Variants in KIF26A observed in about 807,000 individuals in gnomAD.
KIF26A encodes the protein kinesin-like protein KIF26A.
KIF26A carries 74 observed loss-of-function variants against 126.0 expected under a neutral mutation model. That is an observed-to-expected ratio of 0.59 (90% CI 0.49 to 0.71). The LOEUF (loss-of-function observed/expected upper bound fraction) is 0.71, where lower values mean the gene tolerates loss of function less well. Among genes scored for constraint, KIF26A ranks in the 30% least tolerant of loss-of-function variants. KIF26A has a pLI of 0.00. For missense variants in KIF26A, 2,984 were observed against 2,763.3 expected (o/e 1.08, Z -1.79); for synonymous variants, 1,445 against 1,232.7 (o/e 1.17, Z -3.61).
At chr14:104,166,186 C>A (rs28569107) in intron 4 of KIF26A, among the ~76,000 whole-genome samples, 2,358 of 145,632 alleles carry the variant, frequency 0.016, 58 homozygotes, top group African/African-American at 0.063. Flanking sequence ...TGGCAGGGGC[C>A]CAGGAGCTGG....
rs1235729173 is a variant in KIF26A, at chr14:104,178,181, G to A, written c.5110+283G>A. ...GGTCTGTGTCTGGGTGAGCACAAGG[G>A]CAGCCCTGCACAGGTCGCCAGGCTG... On this transcript the variant is annotated intron_variant, in intron 12 of 14. Transcript: ENST00000423312. Among the ~76,000 whole-genome samples the A allele has an allele frequency of 2.0e-5, 3 of 152,208 alleles. No individual in the cohort carries two copies. The East Asian group carries it at 5.8e-4, about 29-fold the overall frequency.
At chr14:104,164,463 C>T (rs1180773745) in intron 4 of KIF26A, among the ~76,000 whole-genome samples, 2 of 151,040 alleles carry the variant, frequency 1.3e-5, no homozygotes, top group Admixed American at 6.6e-5. Context: ...GTCCATGATC[C>T]GGGGTAGGGG....
rs1479949917 is a variant in KIF26A, at chr14:104,162,534, C to T, written c.924-4325C>T. On this transcript the variant is annotated intron_variant, in intron 4 of 14. Transcript: ENST00000423312. ...GCTCCAGCCTCAATCTCCCTCTGGC[C>T]TCTCCAAGTGCTGCTCCAGTCTCCA... 3.3e-5 allele frequency among the ~76,000 whole-genome samples: 5 copies of T among 152,226 alleles called. No homozygotes were observed. In the East Asian group the frequency reaches 5.8e-4, roughly 18 times the overall value.
chr14:104,180,509 G>T lies in KIF26A; in HGVS notation c.*719G>T, dbSNP rs967778307. Reference sequence around the variant, plus strand: ...CACCACGACCAACAACAAAGATGGGGGGTAGGGTTTTGTAAAGGTTCTGTT... The same window carrying T: ...CACCACGACCAACAACAAAGATGGGTGGTAGGGTTTTGTAAAGGTTCTGTT... On this transcript the variant is annotated 3_prime_UTR_variant, in exon 15 of 15. Coordinates refer to ENST00000423312, the MANE Select transcript of KIF26A (RefSeq NM_015656.2). The T allele has an allele frequency of 6.6e-6, 1 of 152,278 alleles. No individual in the cohort carries two copies. Among genetic ancestry groups the T allele is most frequent in the Non-Finnish European group, 1.5e-5 (1 of 68,092 alleles). 9.4% of individuals were successfully genotyped at this position (152,278 alleles called of 1,614,324 possible).
intron 2 of KIF26A, 113 bp downstream of exon 2, chr14:104,139,401 CAAAG>C: frequency 1.6e-6 from 2 of 1,264,520 alleles, no homozygotes; most frequent in Non-Finnish European, 2.1e-6. Flanking sequence ...GCTGTTTCCA[CAAAG>C]AGTTATCAGC....
chr14:104,152,219 A>T lies in KIF26A; in HGVS notation c.493A>T (p.Ser165Cys). Residue 165 changes from serine to cysteine, a missense_variant, in exon 3 of 15, where the codon AGC becomes TGC. Coordinates refer to ENST00000423312, the MANE Select transcript of KIF26A (RefSeq NM_015656.2). This position sits in a 1 kb window ranked among gnomAD's most constrained non-coding sequence, Gnocchi z 5.9. Reference protein sequence around the residue: ...PHGGPSLAPPSTTTSSRDTPG... With the variant: ...PHGGPSLAPPCTTTSSRDTPG... Reference sequence around the variant, plus strand: ...TGGAGGCCCCAGCCTCGCACCCCCCAGCACCACGACCAGCTCGAGGGACAC... The same window carrying T: ...TGGAGGCCCCAGCCTCGCACCCCCCTGCACCACGACCAGCTCGAGGGACAC... 6.2e-7 allele frequency: 1 copy of T among 1,601,758 alleles called. No homozygotes were observed. Among genetic ancestry groups the T allele is most frequent in the Non-Finnish European group, 8.5e-7 (1 of 1,175,908 alleles).
In KIF26A at chr14:104,151,687, TC is replaced by T. The variant is rs1323556888; in HGVS notation, c.289-324del. ...CTGCTTCTTGCCAGTCTCCTGCGTG[TC>T]CCCGGCCAGGCGGCCTTAGCTGACA... On this transcript the variant is annotated intron_variant, in intron 2 of 14. Transcript: ENST00000423312. This position sits in a 1 kb window ranked among gnomAD's most constrained non-coding sequence, Gnocchi z 4.9. Among the ~76,000 whole-genome samples the T allele has an allele frequency of 6.6e-6, 1 of 152,130 alleles. No individual in the cohort carries two copies. Among genetic ancestry groups the T allele is most frequent in the African/African-American group, 2.4e-5 (1 of 41,430 alleles).
Position 104,176,425 on chromosome 14 carries a change from A to C in KIF26A, c.3637A>C (p.Lys1213Gln), listed in dbSNP as rs2038028585. ...AQTIHSSLPR[K>Q]PRTASATTRV... is the part of the protein sequence containing the mutation. The stretch of plus-strand genomic sequence containing the variant: ...GACCATCCACTCCAGCCTCCCCCGG[A>C]AACCGAGGACTGCCTCTGCCACCAC... The change falls in exon 12 of 15, where the codon AAA becomes CAA. Residue 1213 changes from lysine to glutamine, a missense_variant. Transcript: ENST00000423312. 6.3e-7 allele frequency: 1 copy of C among 1,595,380 alleles called. No individual in the cohort carries two copies. Among genetic ancestry groups the C allele is most frequent in the Non-Finnish European group, 8.6e-7 (1 of 1,168,208 alleles).
rs1489167771 is a variant in KIF26A at position 104,165,438 on chromosome 14, T to TGTATG, written c.924-1421_924-1420insGTATG. The stretch of plus-strand genomic sequence containing the variant: ...GTCTCTGTATGCGTGTGTGTCTGTC[T>TGTATG]CTGTGTGTGTTTCTGTATGCGTGTG... On this transcript the variant is annotated intron_variant, in intron 4 of 14. Coordinates refer to ENST00000423312, the MANE Select transcript of KIF26A (RefSeq NM_015656.2). Among the ~76,000 whole-genome samples, 15 of 144,038 alleles carry TGTATG rather than the reference T, an allele frequency of 1.0e-4. 2 individuals are homozygous for TGTATG. The highest frequency in any genetic ancestry group is 3.7e-4 in the African/African-American group (15 of 40,198). 94.5% of individuals were successfully genotyped at this position (144,038 alleles called of 152,430 possible).
At chr14:104,178,981 T>TG (rs1415349984) in intron 13 of KIF26A, among the ~76,000 whole-genome samples, 11 of 152,092 alleles carry the variant, frequency 7.2e-5, no homozygotes, top group African/African-American at 1.4e-4. Flanking sequence ...GGTGGGTGGC[T>TG]GGGGGGTCCT....
chr14:104,166,896 A>C lies in KIF26A; in HGVS notation c.961A>C (p.Lys321Gln). 3 of 1,587,020 alleles carry C rather than the reference A, an allele frequency of 1.9e-6. No homozygotes were observed. Among genetic ancestry groups the C allele is most frequent in the Non-Finnish European group, 2.6e-6 (3 of 1,167,890 alleles). Reference protein sequence around the residue: ...QKLSLASKRKKPHPPPPPATR... With the variant: ...QKLSLASKRKQPHPPPPPATR... ...GCTCAGCCTGGCCTCCAAGAGGAAG[A>C]AGCCCCACCCGCCACCGCCTCCAGC... The change falls in exon 5 of 15, where the codon AAG (lysine) becomes CAG (glutamine). Residue 321 changes from lysine to glutamine, a missense_variant. Transcript: ENST00000423312.
chr14:104,139,534 C>G (rs942816434), intron 2 of KIF26A, among the ~76,000 whole-genome samples: 1 of 152,180 alleles, frequency 6.6e-6, no homozygotes, highest in African/African-American at 2.4e-5. Context: ...GGCGTTCCTC[C>G]CCCAGCCCAG....
chr14:104,174,918 G>T (rs1471041829), intron 11 of KIF26A, 64 bp from the exon 12 acceptor site: 1 of 1,443,276 alleles, frequency 6.9e-7, no homozygotes, highest in East Asian at 2.5e-5. Flanking sequence ...GCTCTGGGGA[G>T]GGTCGGGGAA....
In KIF26A at chr14:104,151,116, C is replaced by G. The variant is rs1285484401; in HGVS notation, c.289-899C>G. Reference sequence around the variant, plus strand: ...AGTAAGCCTCTTGGTCGATTCCCTCCCAGTGAGCTTTGCTCTGTGGCTTGT... The same window carrying G: ...AGTAAGCCTCTTGGTCGATTCCCTCGCAGTGAGCTTTGCTCTGTGGCTTGT... On this transcript the variant is annotated intron_variant, in intron 2 of 14. Transcript: ENST00000423312. The surrounding 1 kb of genome is among the most constrained non-coding windows in gnomAD (Gnocchi z 4.9). 6.6e-6 allele frequency among the ~76,000 whole-genome samples: 1 copy of G among 152,164 alleles called. No individual in the cohort carries two copies. Among genetic ancestry groups the G allele is most frequent in the African/African-American group, 2.4e-5 (1 of 41,434 alleles).
In KIF26A at chr14:104,167,038, G is replaced by A. The variant is rs1199757241; in HGVS notation, c.1103G>A (p.Ser368Asn). ...TCCAAGACCAAGGACAACCCTGGCA[G>A]CATCGGGAAGGTAGACGCAGCCCCG... ...AASKTKDNPGSIGKVKVMLRI... is the reference protein window; with the variant it reads ...AASKTKDNPGNIGKVKVMLRI... The change falls in exon 5 of 15, where the codon AGC (serine) becomes AAC (asparagine). Residue 368 changes from serine to asparagine, a missense_variant. Ser to Asn is a conservative substitution (Grantham distance 46, BLOSUM62 1). Transcript: ENST00000423312. The A allele has an allele frequency of 6.4e-7, 1 of 1,559,286 alleles. No individual in the cohort carries two copies. Among genetic ancestry groups the A allele is most frequent in the Non-Finnish European group, 8.7e-7 (1 of 1,152,418 alleles).
chr14:104,180,141 G>A lies in KIF26A; in HGVS notation c.*351G>A, dbSNP rs534317104. 666 of 226,474 alleles carry A rather than the reference G, an allele frequency of 2.9e-3. 2 individuals are homozygous for A. The highest frequency in any genetic ancestry group is 3.9e-3 in the Non-Finnish European group (458 of 116,472). The allele number at this position is 226,474 out of a possible 1,614,324, so 14.0% of individuals were successfully genotyped here. A position where few individuals can be genotyped will look rare whatever the true frequency, so the allele number is the denominator to read the frequency against. ...GCCTGTCCGGGCCGGGGCTGGCGCC[G>A]GTTGTGTTTGTGTCCACCTTGCCTT... On this transcript the variant is annotated 3_prime_UTR_variant, in exon 15 of 15. Coordinates refer to ENST00000423312, the MANE Select transcript of KIF26A (RefSeq NM_015656.2).
chr14:104,175,397 G>T lies in KIF26A; in HGVS notation c.2609G>T (p.Ser870Ile). 7 of 1,596,604 alleles carry T rather than the reference G, an allele frequency of 4.4e-6. No homozygotes were observed. The highest frequency in any genetic ancestry group is 3.4e-6 in the Non-Finnish European group (4 of 1,176,958). ...GPGGTDGAQA[S>I]PARGGRKPSP... is the part of the protein sequence containing the mutation. The stretch of plus-strand genomic sequence containing the variant: ...GGTGGCACCGACGGAGCTCAGGCCA[G>T]CCCCGCCCGAGGGGGCCGGAAGCCC... The change falls in exon 12 of 15, where the codon AGC becomes ATC. Residue 870 changes from serine (S) to isoleucine (I), a missense_variant. Ser to Ile is a moderately radical substitution (Grantham distance 142). Transcript: ENST00000423312.
At chr14:104,171,689 GCAGCTT>G in intron 5 of KIF26A, 28 bp from the exon 6 acceptor site, 1 of 1,520,708 alleles carries the variant, frequency 6.6e-7, no homozygotes, top group Non-Finnish European at 8.9e-7. Context: ...CTGGGCGGAG[GCAGCTT>G]CTCAGGTGCC....
rs768492578 is a variant in KIF26A at position 104,173,352 on chromosome 14, G to C, written c.1706G>C (p.Arg569Pro). The C allele has an allele frequency of 1.2e-6, 2 of 1,603,018 alleles. No individual in the cohort carries two copies. The highest frequency in any genetic ancestry group is 3.4e-5 in the Admixed American group (2 of 58,686). The change falls in exon 9 of 15, where the codon CGG (arginine) becomes CCG (proline). Residue 569 changes from arginine to proline, a missense_variant. Transcript: ENST00000423312. ...GAQLQNQSEL[R>P]APTAEKAAFY... ...CAGCTCCAGAACCAAAGCGAGCTGC[G>C]GGCACCCACGGCCGAGAAGGCGGCT...
Sources: allele counts gnomAD v4.1 joint callset (sites outside exome capture counted in the v4.1 genomes callset), GRCh38; gene constraint gnomAD v4.1.1; non-coding constraint Gnocchi (gnomAD v3.1); transcripts MANE v1.5; gene names NCBI Gene and HGNC (gene_info 2026-07-23, HGNC 2026-07-21).